WIPF3: variants seen among roughly 807,000 people sequenced by gnomAD.
The protein encoded by WIPF3 is WAS/WASL interacting protein family member 3, also known as WAS/WASL-interacting protein family member 3.
In WIPF3, 33 loss-of-function variants were observed where a neutral mutation model predicts 38.9. That is an observed-to-expected ratio of 0.85 (90% CI 0.64 to 1.14). The LOEUF (loss-of-function observed/expected upper bound fraction) is 1.14, where lower values mean the gene tolerates loss of function less well. Among genes scored for constraint, WIPF3 ranks in the 50% most tolerant of loss-of-function variants. The probability of loss-of-function intolerance (pLI) is 0.00; values close to 1 mark genes in which losing one functional copy is unlikely to be tolerated. For synonymous variants in WIPF3, 324 were observed against 269.3 expected, an observed-to-expected ratio of 1.20 and a Z score of -1.99; for missense variants, 711 against 652.5, an observed-to-expected ratio of 1.09 and a Z score of -0.98.
rs2128083163 is a variant in WIPF3, at chr7:29,917,034, G to A, written c.*2518G>A. 1 of 152,156 alleles carries A rather than the reference G, an allele frequency of 6.6e-6. No individual in the cohort carries two copies. The highest frequency in any genetic ancestry group is 1.9e-4 in the East Asian group (1 of 5,182). 9.4% of individuals were successfully genotyped at this position (152,156 alleles called of 1,614,324 possible). A position where few individuals can be genotyped will look rare whatever the true frequency, so the allele number is the denominator to read the frequency against. On this transcript the variant is annotated 3_prime_UTR_variant, in exon 9 of 9. Coordinates refer to ENST00000242140, the MANE Select transcript of WIPF3 (RefSeq NM_001080529.3). ...TCTCCTTCCGCAGATTCATTTCTTT[G>A]TACTTAATAAACTTTAGTAAGTGGA... is the stretch of plus-strand genomic sequence containing the variant.
At chr7:29,868,535 TAC>T (rs1554345939) in intron 2 of WIPF3, among the ~76,000 whole-genome samples, 4 of 150,928 alleles carry the variant, frequency 2.7e-5, no homozygotes, top group Non-Finnish European at 5.9e-5. Context: ...TATATATATA[TAC>T]ACACACATAC....
intron 1 of WIPF3, among the ~76,000 whole-genome samples, chr7:29,825,091 A>G (rs1471893164): frequency 6.6e-6 from 1 of 152,208 alleles, no homozygotes; most frequent in East Asian, 1.9e-4. Context: ...TTAAGAAAGC[A>G]AAAAACACCA....
In WIPF3 at chr7:29,844,562, G is replaced by T. The variant is rs1784968533; in HGVS notation, c.90+9748G>T. On this transcript the variant is annotated intron_variant, in intron 2 of 8. Transcript: ENST00000242140. This position sits in a 1 kb window ranked among gnomAD's most constrained non-coding sequence, Gnocchi z 4.8. ...GTCACACAGCCAGTCATGGGTAGAG[G>T]CTGGATTCCTCCCCTGCCTTTCTGG... Among the ~76,000 whole-genome samples the T allele has an allele frequency of 6.6e-6, 1 of 152,218 alleles. No individual in the cohort carries two copies. Among genetic ancestry groups the T allele is most frequent in the South Asian group, 2.1e-4 (1 of 4,830 alleles).
rs1035359964 is a variant in WIPF3, at chr7:29,916,357, G to A, written c.*1841G>A. 1 of 152,224 alleles carries A rather than the reference G, an allele frequency of 6.6e-6. No homozygotes were observed. The highest frequency in any genetic ancestry group is 1.9e-4 in the East Asian group (1 of 5,200). The allele number at this position is 152,224 out of a possible 1,614,324, so 9.4% of individuals were successfully genotyped here. A position where few individuals can be genotyped will look rare whatever the true frequency, so the allele number is the denominator to read the frequency against. On this transcript the variant is annotated 3_prime_UTR_variant, in exon 9 of 9. Transcript: ENST00000242140. ...ATTCCACCTTCAGAGTAGACTGCCT[G>A]CCCTAATGAGGTGTTTAGACATTCG... is the stretch of plus-strand genomic sequence containing the variant.
chr7:29,886,371 T>G (rs1785881198), intron 5 of WIPF3, among the ~76,000 whole-genome samples: 1 of 145,478 alleles, frequency 6.9e-6, no homozygotes, highest in African/African-American at 2.6e-5. Flanking sequence ...TTTTTTTTTT[T>G]TTTGAGACAC....
chr7:29,869,758 G>A (rs910356178), intron 2 of WIPF3, among the ~76,000 whole-genome samples: 2 of 152,084 alleles, frequency 1.3e-5, no homozygotes, highest in African/African-American at 2.4e-5. Flanking sequence ...TACTGGAATC[G>A]AAATTCTCAT....
intron 8 of WIPF3, among the ~76,000 whole-genome samples, chr7:29,914,081 C>CT (rs1408524976): frequency 2.0e-5 from 3 of 152,170 alleles, no homozygotes; most frequent in African/African-American, 7.2e-5. Flanking sequence ...AGGGACTGCT[C>CT]TTTTTTATGG....
At chr7:29,874,904 A>G (rs1785559405) in intron 2 of WIPF3, among the ~76,000 whole-genome samples, 4 of 152,216 alleles carry the variant, frequency 2.6e-5, no homozygotes, top group Admixed American at 2.6e-4. Flanking sequence ...AAGAGCATGT[A>G]TCCTTGGTAG....
In WIPF3 at chr7:29,883,925, T is replaced by C; in HGVS notation, c.431T>C (p.Leu144Pro). Residue 144 changes from leucine (L) to proline (P), a missense_variant, in exon 5 of 9, where the codon CTT (leucine) becomes CCT (proline). Coordinates refer to ENST00000242140, the MANE Select transcript of WIPF3 (RefSeq NM_001080529.3). ...CCCAACAAAACCATCAGCGGCCCGC[T>C]TATCCCGCCTGCCTCTCCCAGGCTA... ...RLPNKTISGP[L>P]IPPASPRLGN... is the part of the protein sequence containing the mutation. 6.4e-7 allele frequency: 1 copy of C among 1,565,112 alleles called. No homozygotes were observed. The highest frequency in any genetic ancestry group is 8.7e-7 in the Non-Finnish European group (1 of 1,155,998).
intron 7 of WIPF3, among the ~76,000 whole-genome samples, chr7:29,897,348 C>T (rs966234480): frequency 4.6e-5 from 7 of 152,176 alleles, no homozygotes; most frequent in South Asian, 4.1e-4. Context: ...ATTGCTGGAT[C>T]GTATGGTAAT....
intron 5 of WIPF3, among the ~76,000 whole-genome samples, chr7:29,884,985 T>G (rs60676868): frequency 0.015 from 2,286 of 152,204 alleles, 48 homozygotes; most frequent in African/African-American, 0.052. Flanking sequence ...ACTCCCAATC[T>G]CCTCCCTGAG....
At chr7:29,866,567 C>T (rs886855337) in intron 2 of WIPF3, among the ~76,000 whole-genome samples, 1 of 152,200 alleles carries the variant, frequency 6.6e-6, no homozygotes, top group African/African-American at 2.4e-5. Flanking sequence ...TGCTTTCAGT[C>T]CCCCTGCCAA....
At chr7:29,879,696 T>G (rs887284644) in intron 4 of WIPF3, among the ~76,000 whole-genome samples, 4 of 152,236 alleles carry the variant, frequency 2.6e-5, no homozygotes, top group South Asian at 4.1e-4. Flanking sequence ...TTTGCTAATC[T>G]TATATTTCTC....
At chr7:29,891,807 A>G (rs1786030555) in intron 7 of WIPF3, among the ~76,000 whole-genome samples, 2 of 152,180 alleles carry the variant, frequency 1.3e-5, no homozygotes, top group African/African-American at 4.8e-5. Flanking sequence ...TAGAGTGCCA[A>G]GGGGGTGCAG....
Position 29,905,472 on chromosome 7 carries a change from T to C in WIPF3, c.1428+1110T>C, listed in dbSNP as rs1382339867. 4 of 152,244 alleles carry C rather than the reference T, an allele frequency of 2.6e-5. No homozygotes were observed. The East Asian group carries it at 5.8e-4, about 22-fold the overall frequency. The allele number at this position is 152,244 out of a possible 1,614,324, so 9.4% of individuals were successfully genotyped here. A position where few individuals can be genotyped will look rare whatever the true frequency, so the allele number is the denominator to read the frequency against. Reference sequence around the variant, plus strand: ...ATGTATTTTGGAACTCTGGGATTCATTAAAGGCTTGAAACTTCCATGGGAA... The same window carrying C: ...ATGTATTTTGGAACTCTGGGATTCACTAAAGGCTTGAAACTTCCATGGGAA... On this transcript the variant is annotated intron_variant, in intron 8 of 8. Coordinates refer to ENST00000242140, the MANE Select transcript of WIPF3 (RefSeq NM_001080529.3).
intron 2 of WIPF3, among the ~76,000 whole-genome samples, chr7:29,860,028 G>A (rs559177076): frequency 2.0e-5 from 3 of 152,284 alleles, no homozygotes; most frequent in South Asian, 2.1e-4. Context: ...CATCTGTAGT[G>A]TGTGGGTGGG....
intron 2 of WIPF3, among the ~76,000 whole-genome samples, chr7:29,835,649 A>G (rs539986250): frequency 2.5e-4 from 38 of 152,158 alleles, no homozygotes; most frequent in Non-Finnish European, 3.7e-4. Flanking sequence ...GCTTATGGCA[A>G]ACTTTTCCTC....
rs1785958826 is a variant in WIPF3, at chr7:29,889,356, C to T, written c.1300C>T (p.Pro434Ser). 6.2e-7 allele frequency: 1 copy of T among 1,613,856 alleles called. No individual in the cohort carries two copies. The highest frequency in any genetic ancestry group is 1.3e-5 in the African/African-American group (1 of 74,906). Reference protein sequence around the residue: ...TFHSVEDFPPPDEYKPCQKIY... With the variant: ...TFHSVEDFPPSDEYKPCQKIY... ...CCATTCTGTGGAAGACTTTCCCCCT[C>T]CGGATGAATATAAACCATGCCAGAA... is the stretch of plus-strand genomic sequence containing the variant. Residue 434 changes from proline to serine, a missense_variant, in exon 7 of 9, where the codon CCG (proline) becomes TCG (serine). Coordinates refer to ENST00000242140, the MANE Select transcript of WIPF3 (RefSeq NM_001080529.3).
At chr7:29,830,054 G>T (rs1784691918) in intron 1 of WIPF3, among the ~76,000 whole-genome samples, 1 of 151,546 alleles carries the variant, frequency 6.6e-6, no homozygotes, top group African/African-American at 2.4e-5. Context: ...TCAACTGTCA[G>T]ATTTTAACAA....
Sources: allele counts gnomAD v4.1 joint callset (sites outside exome capture counted in the v4.1 genomes callset), GRCh38; gene constraint gnomAD v4.1.1; non-coding constraint Gnocchi (gnomAD v3.1); transcripts MANE v1.5; gene names NCBI Gene and HGNC (gene_info 2026-07-23, HGNC 2026-07-21).